NPAS2: variants seen among roughly 807,000 people sequenced by gnomAD.
The protein encoded by NPAS2 is neuronal PAS domain protein 2, also known as neuronal PAS domain-containing protein 2.
Under a neutral mutation model 107.5 loss-of-function variants are expected in NPAS2, and 23 were observed. The observed-to-expected ratio is 0.21, with a 90% confidence interval of 0.15 to 0.30. The LOEUF is 0.30. Among genes scored for constraint, NPAS2 ranks in the 10% least tolerant of loss-of-function variants. The pLI, the probability that NPAS2 is intolerant of heterozygous loss-of-function variation, is 1.00. For synonymous variants in NPAS2, 403 were observed against 417.5 expected (o/e 0.97, Z 0.42); for missense variants, 756 against 1,043.3 (o/e 0.72, Z 3.79).
chr2:100,937,155 A>G (rs1279324683), intron 4 of NPAS2, among the ~76,000 whole-genome samples: 1 of 152,120 alleles, frequency 6.6e-6, no homozygotes, highest in Non-Finnish European at 1.5e-5. Flanking sequence ...ATGCTTACGG[A>G]TCCAGTTGAG....
chr2:100,831,646 C>G (rs992648445), intron 1 of NPAS2, among the ~76,000 whole-genome samples: 1 of 152,142 alleles, frequency 6.6e-6, no homozygotes, highest in Non-Finnish European at 1.5e-5. Context: ...ATGGCCTCCC[C>G]CCTTTCCCCT....
rs185397948 is a variant in NPAS2 at position 100,868,683 on chromosome 2, T to C, written c.-22-36050T>C. 3.8e-3 allele frequency among the ~76,000 whole-genome samples: 582 copies of C among 152,384 alleles called. 2 individuals are homozygous for C. The highest frequency in any genetic ancestry group is 0.014 in the South Asian group (68 of 4,834). On this transcript the variant is annotated intron_variant, in intron 1 of 20. Coordinates refer to ENST00000335681, the MANE Select transcript of NPAS2 (RefSeq NM_002518.4). ...TTTTCTGTCTTTTGTCTCTGCATTC[T>C]GCAATCTGGATAATTCCTTCAGATC...
At chr2:100,953,914 A>G (rs962032315) in intron 7 of NPAS2, among the ~76,000 whole-genome samples, 1 of 152,186 alleles carries the variant, frequency 6.6e-6, no homozygotes, top group African/African-American at 2.4e-5. Context: ...TGTTTTAATC[A>G]AACACAAAGA....
In NPAS2 at chr2:100,996,009, T is replaced by C. The variant is rs1403623120; in HGVS notation, c.*427T>C. On this transcript the variant is annotated 3_prime_UTR_variant, in exon 21 of 21. Transcript: ENST00000335681. The stretch of plus-strand genomic sequence containing the variant: ...TATTGGAGAAGGACTGGGTCAGAGA[T>C]CTGTTGGAGAGAGAGAATAAAGAGA... The C allele has an allele frequency of 8.4e-7, 1 of 1,193,972 alleles. No individual in the cohort carries two copies. Among genetic ancestry groups the C allele is most frequent in the African/African-American group, 1.6e-5 (1 of 63,334 alleles). 74.0% of individuals were successfully genotyped at this position (1,193,972 alleles called of 1,614,324 possible).
intron 15 of NPAS2, among the ~76,000 whole-genome samples, chr2:100,981,645 T>C (rs1455349656): frequency 6.6e-6 from 1 of 152,130 alleles, no homozygotes; most frequent in African/African-American, 2.4e-5. Context: ...GTTCGTTTTT[T>C]GCACAGATTT....
At chr2:100,918,903 G>GA (rs1293182505) in intron 2 of NPAS2, among the ~76,000 whole-genome samples, 10 of 152,230 alleles carry the variant, frequency 6.6e-5, no homozygotes, top group African/African-American at 2.4e-4. Context: ...CTTTACTTCA[G>GA]AAAAATACAA....
chr2:100,969,822 G>C (rs887714604), intron 11 of NPAS2, among the ~76,000 whole-genome samples: 1 of 152,122 alleles, frequency 6.6e-6, no homozygotes, highest in Non-Finnish European at 1.5e-5. Flanking sequence ...TAGCACAGGT[G>C]TAAGTGTGCA....
chr2:100,875,925 A>G (rs1679939585), intron 1 of NPAS2, among the ~76,000 whole-genome samples: 1 of 152,176 alleles, frequency 6.6e-6, no homozygotes, highest in Non-Finnish European at 1.5e-5. Flanking sequence ...ACAGAAGGGA[A>G]ATGGGAGGAT....
chr2:100,873,305 T>TACACACAC (rs1369269644), intron 1 of NPAS2, among the ~76,000 whole-genome samples: 92 of 38,252 alleles, frequency 2.4e-3, no homozygotes, highest in East Asian at 0.011. Context: ...TATATATATA[T>TACACACAC]ATACACACAC....
intron 1 of NPAS2, among the ~76,000 whole-genome samples, chr2:100,864,022 G>A (rs532550134): frequency 3.9e-5 from 6 of 152,306 alleles, no homozygotes; most frequent in Middle Eastern, 3.4e-3. Flanking sequence ...TATCGAGACT[G>A]GGCTAATTGT....
intron 2 of NPAS2, among the ~76,000 whole-genome samples, chr2:100,913,357 T>C (rs1384424440): frequency 1.3e-5 from 2 of 152,206 alleles, no homozygotes; most frequent in African/African-American, 2.4e-5. Context: ...CTCCATTTGG[T>C]CAACTGTCTT....
chr2:100,985,859 G>A (rs1490149697), intron 16 of NPAS2: 1 of 152,106 alleles, frequency 6.6e-6, no homozygotes, highest in Non-Finnish European at 1.5e-5. Context: ...AAATGGTAGG[G>A]TGGGAATTTG....
rs564986631 is a variant in NPAS2, at chr2:100,929,933, T to A, written c.182-2977T>A. ...CCAATAATCTTTCAGCATTGCTATT[T>A]TCTCAGCTTCGGAAATGAATTTTAA... is the stretch of plus-strand genomic sequence containing the variant. On this transcript the variant is annotated intron_variant, in intron 3 of 20. Coordinates refer to ENST00000335681, the MANE Select transcript of NPAS2 (RefSeq NM_002518.4). Among the ~76,000 whole-genome samples, 109 of 152,366 alleles carry A rather than the reference T, an allele frequency of 7.2e-4. 2 individuals are homozygous for A. The South Asian group carries it at 0.022, about 31-fold the overall frequency.
intron 13 of NPAS2, 64 bp from the exon 14 acceptor site, chr2:100,975,394 C>T: frequency 7.1e-7 from 1 of 1,407,734 alleles, no homozygotes; most frequent in Non-Finnish European, 9.9e-7. Context: ...TCATGGGTCC[C>T]CTCTTCGGAT....
At chr2:100,978,728 C>T (rs186989483) in intron 15 of NPAS2, among the ~76,000 whole-genome samples, 159 of 152,302 alleles carry the variant, frequency 1.0e-3, no homozygotes, top group African/African-American at 3.5e-3. Flanking sequence ...GAGACGCCGC[C>T]GTGGCAGGGC....
chr2:100,929,865 G>A (rs1271520055), intron 3 of NPAS2, among the ~76,000 whole-genome samples: 2 of 152,106 alleles, frequency 1.3e-5, no homozygotes, highest in Admixed American at 6.5e-5. Flanking sequence ...TGATAAGTAA[G>A]GAAAGATGAT....
At chr2:100,920,020 A>T (rs1439960544) in intron 2 of NPAS2, among the ~76,000 whole-genome samples, 2 of 152,146 alleles carry the variant, frequency 1.3e-5, no homozygotes, top group Admixed American at 1.3e-4. Context: ...CCTCCTCCAT[A>T]TCGCTTGATG....
intron 10 of NPAS2, among the ~76,000 whole-genome samples, chr2:100,967,749 G>A (rs1573745420): frequency 1.3e-5 from 2 of 152,294 alleles, no homozygotes; most frequent in African/African-American, 4.8e-5. Flanking sequence ...CTATGGGGGG[G>A]CTGCAAGCAG....
intron 7 of NPAS2, among the ~76,000 whole-genome samples, chr2:100,949,935 A>C (rs1185527052): frequency 6.6e-6 from 1 of 152,190 alleles, no homozygotes; most frequent in Non-Finnish European, 1.5e-5. Context: ...CCTCATGCAC[A>C]GCAAAGGGGT....
Sources: gnomAD v4.1 joint callset for allele counts (sites outside exome capture counted in the v4.1 genomes callset) on GRCh38, gnomAD v4.1.1 for gene constraint, MANE v1.5 for transcripts, NCBI Gene and HGNC (gene_info 2026-07-23, HGNC 2026-07-21) for gene names.